RBFOX2: variants seen among roughly 807,000 people sequenced by gnomAD.
RBFOX2 encodes the protein RNA binding protein fox-1 homolog 2.
RBFOX2 carries 10 observed loss-of-function variants against 49.1 expected under a neutral mutation model. That is an observed-to-expected ratio of 0.20 (90% CI 0.13 to 0.35). The LOEUF is 0.35. Ranked by LOEUF, RBFOX2 falls within the 10% of genes least tolerant of loss-of-function variation. The pLI is 1.00. For missense variants in RBFOX2, 323 were observed against 486.9 expected (o/e 0.66, Z 3.17); for synonymous variants, 183 against 187.4 (o/e 0.98, Z 0.19).
At chr22:35,911,684 T>G (rs2049848128) in intron 1 of RBFOX2, among the ~76,000 whole-genome samples, 1 of 152,190 alleles carries the variant, frequency 6.6e-6, no homozygotes, top group African/African-American at 2.4e-5. Context: ...AAAATGCTAA[T>G]TGGTGGAATC....
At chr22:35,901,913 C>T (rs2048624350) in intron 1 of RBFOX2, among the ~76,000 whole-genome samples, 1 of 152,004 alleles carries the variant, frequency 6.6e-6, no homozygotes, top group Admixed American at 6.6e-5. Context: ...GAAACCCCAT[C>T]TCTGCTGAAA....
chr22:35,809,115 A>G (rs1254053462), intron 2 of RBFOX2, among the ~76,000 whole-genome samples: 1 of 152,000 alleles, frequency 6.6e-6, no homozygotes. Flanking sequence ...GGCAACAGTA[A>G]TACCGGAAAT....
intron 9 of RBFOX2, 103 bp from the exon 11 acceptor site, chr22:35,756,247 G>A: frequency 9.6e-7 from 1 of 1,039,468 alleles, no homozygotes; most frequent in Non-Finnish European, 1.3e-6. Flanking sequence ...TACACAGGCA[G>A]GTGATGTATG....
At chr22:35,874,454 G>C (rs949849095) in intron 1 of RBFOX2, among the ~76,000 whole-genome samples, 5 of 151,370 alleles carry the variant, frequency 3.3e-5, no homozygotes, top group African/African-American at 9.7e-5. Context: ...AACAACCTAA[G>C]ACATAAAAAA....
chr22:35,852,404 C>T (rs1349644256), intron 1 of RBFOX2, among the ~76,000 whole-genome samples: 2 of 151,488 alleles, frequency 1.3e-5, no homozygotes, highest in Non-Finnish European at 2.9e-5. Context: ...GCAGCATGTG[C>T]CTGTAGTCCC....
chr22:35,837,705 C>T (rs748604904), intron 1 of RBFOX2, among the ~76,000 whole-genome samples: 13 of 152,132 alleles, frequency 8.5e-5, no homozygotes, highest in South Asian at 2.1e-4. Context: ...ATATTCTATC[C>T]TTGCCAGTTG....
At chr22:36,015,803 G>A (rs916968068) in intron 1 of RBFOX2, among the ~76,000 whole-genome samples, 2 of 152,110 alleles carry the variant, frequency 1.3e-5, no homozygotes, top group African/African-American at 2.4e-5. Context: ...CCTTTTACCC[G>A]AAATTATTAC....
chr22:35,997,011 A>G (rs967995920), intron 1 of RBFOX2: 4 of 152,222 alleles, frequency 2.6e-5, no homozygotes, highest in African/African-American at 9.6e-5. Context: ...CTAAGAAAGA[A>G]CTTCTCAGAG....
intron 1 of RBFOX2, chr22:35,821,965 A>G (rs910748163): frequency 7.7e-6 from 4 of 518,680 alleles, no homozygotes; most frequent in Non-Finnish European, 1.5e-5. Flanking sequence ...AGGACAGAGA[A>G]GCAATAGCTC....
intron 1 of RBFOX2, among the ~76,000 whole-genome samples, chr22:35,894,229 A>G (rs1377314338): frequency 1.3e-5 from 2 of 152,176 alleles, no homozygotes; most frequent in Non-Finnish European, 2.9e-5. Flanking sequence ...TTACTATTCT[A>G]ACTGCTATAG....
At chr22:35,863,428 C>A (rs893781633) in intron 1 of RBFOX2, among the ~76,000 whole-genome samples, 2 of 152,084 alleles carry the variant, frequency 1.3e-5, no homozygotes, top group Non-Finnish European at 2.9e-5. Context: ...CAATAAGAAG[C>A]CATTCTCTTG....
At chr22:35,995,538 G>T (rs948372479) in intron 1 of RBFOX2, 1 of 152,180 alleles carries the variant, frequency 6.6e-6, no homozygotes, top group African/African-American at 2.4e-5. Context: ...GTCAGAGGAG[G>T]GGCCTGGTGG....
intron 1 of RBFOX2, among the ~76,000 whole-genome samples, chr22:35,886,189 C>T (rs1403050363): frequency 6.6e-6 from 1 of 152,020 alleles, no homozygotes; most frequent in Admixed American, 6.6e-5. Flanking sequence ...ACTTTGCTAC[C>T]CAGACAGTTC....
At chr22:35,817,855 C>T (rs1452657557) in intron 1 of RBFOX2, among the ~76,000 whole-genome samples, 1 of 151,858 alleles carries the variant, frequency 6.6e-6, no homozygotes, top group African/African-American at 2.4e-5. Context: ...GCTTAGAATA[C>T]CAATAAATGA....
chr22:35,804,376 T>C (rs1338132153), intron 2 of RBFOX2, among the ~76,000 whole-genome samples: 2 of 152,208 alleles, frequency 1.3e-5, no homozygotes, highest in East Asian at 3.9e-4. Flanking sequence ...CCAAATTTGA[T>C]GAATATATAT....
chr22:36,014,864 A>C (rs909578117), intron 1 of RBFOX2, among the ~76,000 whole-genome samples: 2 of 152,230 alleles, frequency 1.3e-5, no homozygotes, highest in Non-Finnish European at 2.9e-5. Flanking sequence ...GGGCTACTAC[A>C]TGCACTTAAC....
chr22:35,939,900 A>G (rs2053522302), upstream of RBFOX2, among the ~76,000 whole-genome samples: 1 of 152,208 alleles, frequency 6.6e-6, no homozygotes, highest in East Asian at 1.9e-4. Context: ...CTTTTAAATG[A>G]GGGAAGATGC....
At chr22:35,917,490 T>G (rs565632355) in intron 1 of RBFOX2, among the ~76,000 whole-genome samples, 2 of 152,292 alleles carry the variant, frequency 1.3e-5, no homozygotes, top group South Asian at 4.1e-4. Flanking sequence ...TAGGCAAAAA[T>G]TATAGCAGGC....
At chr22:35,963,185 G>T (rs2149965036), upstream of RBFOX2, among the ~76,000 whole-genome samples, 1 of 151,506 alleles carries the variant, frequency 6.6e-6, no homozygotes, top group East Asian at 1.9e-4. Flanking sequence ...GAGTCAAGAT[G>T]CCTCTAGTTA....
Sources: allele counts gnomAD v4.1 joint callset (sites outside exome capture counted in the v4.1 genomes callset), GRCh38; gene constraint gnomAD v4.1.1; transcripts MANE v1.5; gene names NCBI Gene and HGNC (gene_info 2026-07-23, HGNC 2026-07-21).